FBXL17: variants seen among roughly 807,000 people sequenced by gnomAD.
The protein encoded by FBXL17 is F-box and leucine rich repeat protein 17.
In FBXL17, 22 loss-of-function variants were observed where a neutral mutation model predicts 66.2. That is an observed-to-expected ratio of 0.33 (90% CI 0.24 to 0.47). The LOEUF (loss-of-function observed/expected upper bound fraction) is 0.47. Ranked by LOEUF, FBXL17 falls within the 20% of genes least tolerant of loss-of-function variation. The pLI is 1.00. For missense variants in FBXL17, 878 were observed against 948.2 expected (o/e 0.93, Z 0.97); for synonymous variants, 474 against 400.5 (o/e 1.18, Z -2.19).
At chr5:108,121,254 G>A (rs1750483640) in intron 6 of FBXL17, among the ~76,000 whole-genome samples, 1 of 152,116 alleles carries the variant, frequency 6.6e-6, no homozygotes, top group Non-Finnish European at 1.5e-5. Context: ...CTTGAACCCA[G>A]CTGACAGAGG....
In FBXL17 at chr5:108,367,846, A is replaced by G; in HGVS notation, c.1101T>C (p.Leu367=). 6.4e-7 allele frequency: 1 copy of G among 1,550,844 alleles called. No individual in the cohort carries two copies. Among genetic ancestry groups the G allele is most frequent in the South Asian group, 1.2e-5 (1 of 84,012 alleles). ...LDFQFWKQLD[L]SSRQQVTDEL... ...GATTCCATACCTGCTGACGACTACTAAGATCCAGCTGCTTCCAAAACTGGA... is the reference window on the plus strand; with the variant it reads ...GATTCCATACCTGCTGACGACTACTGAGATCCAGCTGCTTCCAAAACTGGA... The change falls in exon 2 of 9, where the codon CTT becomes CTC. Residue 367 remains leucine, a synonymous_variant. Coordinates refer to ENST00000542267, the MANE Select transcript of FBXL17 (RefSeq NM_001163315.3).
chr5:108,113,418 C>T (rs560683889), intron 6 of FBXL17, among the ~76,000 whole-genome samples: 11 of 152,102 alleles, frequency 7.2e-5, no homozygotes, highest in African/African-American at 2.4e-4. Flanking sequence ...AACATATGCA[C>T]ATGTGTATAT....
intron 3 of FBXL17, among the ~76,000 whole-genome samples, chr5:108,351,591 G>A (rs1366820766): frequency 6.6e-6 from 1 of 152,150 alleles, no homozygotes; most frequent in Non-Finnish European, 1.5e-5. Context: ...TAGTCAGTTA[G>A]CCAAACTCCA....
chr5:107,962,876 T>C (rs1480159609), intron 7 of FBXL17, among the ~76,000 whole-genome samples: 1 of 152,028 alleles, frequency 6.6e-6, no homozygotes, highest in Non-Finnish European at 1.5e-5. Flanking sequence ...TTGGCAAAAG[T>C]ATAAGGTTTG....
At chr5:108,165,569 G>A (rs975249549) in intron 6 of FBXL17, among the ~76,000 whole-genome samples, 1 of 152,056 alleles carries the variant, frequency 6.6e-6, no homozygotes, top group Non-Finnish European at 1.5e-5. Context: ...GAGAATAGTG[G>A]GATATAAAAG....
chr5:108,260,289 G>T (rs1040874153), intron 4 of FBXL17, among the ~76,000 whole-genome samples: 1 of 152,094 alleles, frequency 6.6e-6, no homozygotes, highest in African/African-American at 2.4e-5. Flanking sequence ...GAGGCAAGGG[G>T]TGATCAGAGT....
At position 108,381,845 on chromosome 5, in the gene FBXL17, T is replaced by G. The variant is rs1561572711; in HGVS notation, c.-154A>C. On this transcript the variant is annotated 5_prime_UTR_variant, in exon 1 of 9. Transcript: ENST00000542267. ...GCACACACGGGCACACACGCGACGG[T>G]GGGGGGTGGGCGTCAGCTGCGGGCC... The G allele has an allele frequency of 7.7e-7, 1 of 1,294,274 alleles. No individual in the cohort carries two copies. The highest frequency in any genetic ancestry group is 9.8e-7 in the Non-Finnish European group (1 of 1,021,848). The allele number at this position is 1,294,274 out of a possible 1,614,324, so 80.2% of individuals were successfully genotyped here.
At chr5:108,038,672 G>A (rs987800577) in intron 6 of FBXL17, among the ~76,000 whole-genome samples, 1 of 152,066 alleles carries the variant, frequency 6.6e-6, no homozygotes, top group African/African-American at 2.4e-5. Flanking sequence ...ACACAAAAGA[G>A]AGATAATTAT....
intron 7 of FBXL17, among the ~76,000 whole-genome samples, chr5:108,009,193 G>GTATA (rs1754050341): frequency 3.3e-5 from 1 of 30,712 alleles, no homozygotes. Flanking sequence ...CATTTGAAAA[G>GTATA]CATATATATA....
intron 7 of FBXL17, among the ~76,000 whole-genome samples, chr5:107,996,136 GC>G (rs1260762148): frequency 6.6e-6 from 1 of 152,176 alleles, no homozygotes; most frequent in Admixed American, 6.5e-5. Flanking sequence ...TACACGCCAT[GC>G]CTGATTTTTT....
chr5:108,098,467 C>T (rs981925078), intron 6 of FBXL17, among the ~76,000 whole-genome samples: 3 of 152,044 alleles, frequency 2.0e-5, no homozygotes, highest in Admixed American at 1.3e-4. Context: ...CTTTTCATGC[C>T]GGGTGCAGTG....
intron 7 of FBXL17, among the ~76,000 whole-genome samples, chr5:107,994,947 G>T (rs1296097002): frequency 6.6e-6 from 1 of 152,166 alleles, no homozygotes; most frequent in Non-Finnish European, 1.5e-5. Flanking sequence ...AATCAACGTG[G>T]TTAAAAGTAA....
At chr5:108,126,290 T>C (rs1407409476) in intron 6 of FBXL17, among the ~76,000 whole-genome samples, 2 of 152,150 alleles carry the variant, frequency 1.3e-5, no homozygotes, top group Non-Finnish European at 2.9e-5. Context: ...CACATTTTCT[T>C]AGAAACTATT....
chr5:108,232,794 T>TATATATATATAAA (rs1755417930), intron 4 of FBXL17, among the ~76,000 whole-genome samples: 1 of 124,852 alleles, frequency 8.0e-6, no homozygotes, highest in African/African-American at 3.2e-5. Flanking sequence ...TATATATATA[T>TATATATATATAAA]ATATATATAT....
rs980291727 is a variant in FBXL17, at chr5:108,151,605, A to G, written c.1745+34512T>C. Among the ~76,000 whole-genome samples the G allele has an allele frequency of 2.0e-5, 3 of 152,214 alleles. No homozygotes were observed. The South Asian group carries it at 6.2e-4, about 32-fold the overall frequency. ...TCTGTAGACACCCAAAAGAAACTTTACTAAAGCAGATACTTACAATAGTGG... is the reference window on the plus strand; with the variant it reads ...TCTGTAGACACCCAAAAGAAACTTTGCTAAAGCAGATACTTACAATAGTGG... On this transcript the variant is annotated intron_variant, in intron 6 of 8. Transcript: ENST00000542267.
intron 1 of FBXL17, among the ~76,000 whole-genome samples, chr5:108,373,234 T>A (rs961402085): frequency 2.9e-5 from 4 of 136,532 alleles, no homozygotes; most frequent in Non-Finnish European, 4.6e-5. Flanking sequence ...AATATAAATA[T>A]AATATATATC....
At position 107,987,110 on chromosome 5, in the gene FBXL17, GAGAT is replaced by G. The variant is rs373928546; in HGVS notation, c.1822+33811_1822+33814del. Among the ~76,000 whole-genome samples, 637 of 152,070 alleles carry G rather than the reference GAGAT, an allele frequency of 4.2e-3. 3 individuals carry two copies. The highest frequency in any genetic ancestry group is 6.2e-3 in the Non-Finnish European group (418 of 67,910). ...GAAAATGAACTAGCTCCTTTGAAAA[GAGAT>G]AGGAAAACACAAGAGAGGGAATTTA... On this transcript the variant is annotated intron_variant, in intron 7 of 8. Transcript: ENST00000542267.
chr5:108,077,163 C>T (rs1410947601), intron 6 of FBXL17, among the ~76,000 whole-genome samples: 1 of 152,174 alleles, frequency 6.6e-6, no homozygotes, highest in African/African-American at 2.4e-5. Flanking sequence ...TCACTGATAT[C>T]AAAAGTCTAA....
At chr5:108,098,470 G>A (rs1479645114) in intron 6 of FBXL17, among the ~76,000 whole-genome samples, 1 of 152,122 alleles carries the variant, frequency 6.6e-6, no homozygotes, top group East Asian at 1.9e-4. Context: ...TTCATGCCGG[G>A]TGCAGTGGCT....
Sources: gnomAD v4.1 joint callset for allele counts (sites outside exome capture counted in the v4.1 genomes callset) on GRCh38, gnomAD v4.1.1 for gene constraint, MANE v1.5 for transcripts, NCBI Gene and HGNC (gene_info 2026-07-23, HGNC 2026-07-21) for gene names.